Variants in TBL1X observed in about 807,000 individuals in gnomAD.
The protein encoded by TBL1X is F-box-like/WD repeat-containing protein TBL1X.
TBL1X carries 10 observed loss-of-function variants against 50.7 expected under a neutral mutation model. The observed-to-expected ratio is 0.20, with a 90% confidence interval of 0.12 to 0.33. The LOEUF is 0.33. Ranked by LOEUF, TBL1X falls within the 10% of genes least tolerant of loss-of-function variation. TBL1X has a pLI of 1.00. For missense variants in TBL1X, 340 were observed against 504.4 expected, an observed-to-expected ratio of 0.67 and a Z score of 3.12; for synonymous variants, 190 against 214.7, an observed-to-expected ratio of 0.88 and a Z score of 1.01.
chrX:9,474,787 A>G (rs966435841), intron 1 of TBL1X, among the ~76,000 whole-genome samples: 2 of 113,150 alleles, frequency 1.8e-5, no homozygotes, highest in Non-Finnish European at 3.7e-5. Context: ...GAAATGGTTC[A>G]GAATTTCAAA....
intron 5 of TBL1X, among the ~76,000 whole-genome samples, chrX:9,681,371 A>G (rs985457662): frequency 7.1e-5 from 8 of 112,386 alleles, no homozygotes; most frequent in Middle Eastern, 4.6e-3. Context: ...TTCACAGTTT[A>G]GTTCAGCGTC....
At chrX:9,715,096 G>A (rs1449013399) in intron 17 of TBL1X, 93 bp downstream of exon 17, 5 of 879,673 alleles carry the variant, frequency 5.7e-6, no homozygotes, top group South Asian at 2.2e-5. Context: ...TTCGTGTCCT[G>A]AAGGGCCTAG....
chrX:9,479,159 C>T lies in TBL1X; in HGVS notation c.-201+13712C>T, dbSNP rs111880834. Among the ~76,000 whole-genome samples, 226 of 113,166 alleles carry T rather than the reference C, an allele frequency of 2.0e-3. 1 individual carries two copies. The highest frequency in any genetic ancestry group is 6.4e-3 in the African/African-American group (199 of 31,249). On this transcript the variant is annotated intron_variant, in intron 1 of 17. Coordinates refer to ENST00000645353, the MANE Select transcript of TBL1X (RefSeq NM_005647.4). Reference sequence around the variant, plus strand: ...GTTATGTAGTGTTTATATAAAACAGCTCTAAATAATTGGCGTAGGCCAGGC... The same window carrying T: ...GTTATGTAGTGTTTATATAAAACAGTTCTAAATAATTGGCGTAGGCCAGGC...
intron 1 of TBL1X, among the ~76,000 whole-genome samples, chrX:9,470,626 TGTC>T (rs1006944414): frequency 1.8e-5 from 2 of 112,176 alleles, no homozygotes; most frequent in Non-Finnish European, 3.8e-5. Flanking sequence ...CATTTTCTAA[TGTC>T]GTGTTTTTGT....
At chrX:9,692,323 A>G in intron 9 of TBL1X, 69 bp downstream of exon 9, 8 of 1,123,751 alleles carry the variant, frequency 7.1e-6, no homozygotes, top group Middle Eastern at 2.6e-4. Context: ...CAGGGGCTGC[A>G]GCAATGGAGC....
chrX:9,555,264 AGAGT>A (rs1174272998), intron 2 of TBL1X, among the ~76,000 whole-genome samples: 1 of 110,463 alleles, frequency 9.1e-6, no homozygotes, highest in Non-Finnish European at 1.9e-5. Context: ...TTTTGTAGAG[AGAGT>A]GTCTTGTTAT....
In TBL1X at chrX:9,516,735, G is replaced by C. The variant is rs545656577; in HGVS notation, c.-131+14886G>C. 7.1e-5 allele frequency among the ~76,000 whole-genome samples: 8 copies of C among 112,002 alleles called. No individual in the cohort carries two copies. The South Asian group carries it at 3.0e-3, about 41-fold the overall frequency. On this transcript the variant is annotated intron_variant, in intron 2 of 17. Coordinates refer to ENST00000645353, the MANE Select transcript of TBL1X (RefSeq NM_005647.4). ...ATCGTTTTAAGTCATTGGAACGACT[G>C]TCCCCTTCATAAAGCATGATGTAGC...
At chrX:9,582,425 A>G (rs1381594193) in intron 2 of TBL1X, among the ~76,000 whole-genome samples, 1 of 112,549 alleles carries the variant, frequency 8.9e-6, no homozygotes, top group Non-Finnish European at 1.9e-5. Flanking sequence ...TGCTCCTGGT[A>G]TAGTACATCT....
intron 16 of TBL1X, among the ~76,000 whole-genome samples, chrX:9,713,666 A>G (rs5979159): frequency 0.42 from 46,231 of 109,258 alleles, 8,099 homozygotes; most frequent in East Asian, 0.69. Context: ...GACCCCAGGC[A>G]ATCTACCCAC....
chrX:9,684,598 T>TA (rs3043994), intron 6 of TBL1X, among the ~76,000 whole-genome samples: 35 of 51,286 alleles, frequency 6.8e-4, no homozygotes, highest in South Asian at 2.9e-3. Flanking sequence ...TCTCTAAAAT[T>TA]AAAAAAAAAA....
At chrX:9,607,982 T>C (rs1331751485) in intron 2 of TBL1X, among the ~76,000 whole-genome samples, 4 of 106,814 alleles carry the variant, frequency 3.7e-5, no homozygotes, top group Admixed American at 1.0e-4. Context: ...TTTTTTTTTT[T>C]CCAATTTTTG....
chrX:9,503,196 T>C (rs1336926266), intron 2 of TBL1X, among the ~76,000 whole-genome samples: 2 of 110,302 alleles, frequency 1.8e-5, no homozygotes, highest in Non-Finnish European at 3.8e-5. Flanking sequence ...GCGGCCCACC[T>C]GAGAGTCACA....
At chrX:9,496,639 G>A (rs1486496388) in intron 1 of TBL1X, among the ~76,000 whole-genome samples, 4 of 112,038 alleles carry the variant, frequency 3.6e-5, no homozygotes, top group East Asian at 2.8e-4. Context: ...TGAGGAGAAC[G>A]CCTGTGTTTT....
At chrX:9,560,998 A>G (rs1239099457) in intron 2 of TBL1X, among the ~76,000 whole-genome samples, 3 of 111,387 alleles carry the variant, frequency 2.7e-5, no homozygotes, top group African/African-American at 9.8e-5. Context: ...ACATCCCCAG[A>G]CATTGCTAAC....
chrX:9,548,318 C>T (rs1366697499), intron 2 of TBL1X, among the ~76,000 whole-genome samples: 1 of 111,577 alleles, frequency 9.0e-6, no homozygotes, highest in Non-Finnish European at 1.9e-5. Flanking sequence ...GTTCTCAGCT[C>T]CCATCCTTAT....
chrX:9,555,869 A>T (rs1053539136), intron 2 of TBL1X, among the ~76,000 whole-genome samples: 2 of 111,320 alleles, frequency 1.8e-5, no homozygotes, highest in Admixed American at 1.9e-4. Flanking sequence ...TCTCAGAAAG[A>T]TTGGTTGGAG....
chrX:9,653,512 C>A, intron 3 of TBL1X, 33 bp from the exon 4 acceptor site: 2 of 892,099 alleles, frequency 2.2e-6, no homozygotes, highest in Non-Finnish European at 3.1e-6. Flanking sequence ...GACAGAGGTG[C>A]TCCCTGCCTT....
In TBL1X at chrX:9,713,865, A is replaced by G. The variant is rs183277553; in HGVS notation, c.1606-1037A>G. 1.6e-4 allele frequency among the ~76,000 whole-genome samples: 18 copies of G among 110,235 alleles called. No individual in the cohort carries two copies. In the East Asian group the frequency reaches 3.1e-3, roughly 19 times the overall value. ...GGAACACCACCCTTTAAGGGGCCCA[A>G]TTGAGCAGAGGATTTGGGACAGCCC... On this transcript the variant is annotated intron_variant, in intron 16 of 17. Transcript: ENST00000645353.
At chrX:9,514,954 G>A (rs770593248) in intron 2 of TBL1X, among the ~76,000 whole-genome samples, 1 of 112,024 alleles carries the variant, frequency 8.9e-6, no homozygotes, top group African/African-American at 3.2e-5. Context: ...CTTTCTTGGA[G>A]GCCGAGGTGG....
Sources: gnomAD v4.1 joint callset for allele counts (sites outside exome capture counted in the v4.1 genomes callset) on GRCh38, gnomAD v4.1.1 for gene constraint, MANE v1.5 for transcripts, NCBI Gene and HGNC (gene_info 2026-07-23, HGNC 2026-07-21) for gene names.